Variants in ROBO2 observed in about 807,000 individuals in gnomAD.
ROBO2 encodes roundabout homolog 2.
Under a neutral mutation model 160.8 loss-of-function variants are expected in ROBO2, and 53 were observed. That is an observed-to-expected ratio of 0.33 (90% CI 0.26 to 0.41). The LOEUF (loss-of-function observed/expected upper bound fraction) is 0.41. ROBO2 is among the 10% of genes least tolerant of loss of function. The pLI, the probability that ROBO2 is intolerant of heterozygous loss-of-function variation, is 1.00. For missense variants in ROBO2, 1,577 were observed against 1,722.4 expected (o/e 0.92, Z 1.49); for synonymous variants, 664 against 611.7 (o/e 1.09, Z -1.26).
intron 2 of ROBO2, among the ~76,000 whole-genome samples, chr3:76,787,911 TA>T (rs1338814363): frequency 2.0e-5 from 3 of 151,422 alleles, no homozygotes; most frequent in Non-Finnish European, 3.0e-5. Context: ...ATATTAGTAT[TA>T]CGTATATAGA....
chr3:77,351,440 G>C (rs534511846), intron 2 of ROBO2, among the ~76,000 whole-genome samples: 1 of 152,116 alleles, frequency 6.6e-6, no homozygotes, highest in Non-Finnish European at 1.5e-5. Flanking sequence ...AACAAATTAT[G>C]ATGGCAGGTG....
Position 76,418,535 on chromosome 3 carries a change from G to A in ROBO2, c.109+480933G>A, listed in dbSNP as rs570973011. Among the ~76,000 whole-genome samples, 6 of 152,268 alleles carry A rather than the reference G, an allele frequency of 3.9e-5. 1 individual carries two copies. Among genetic ancestry groups the A allele is most frequent in the South Asian group, 2.1e-4 (1 of 4,828 alleles). On this transcript the variant is annotated intron_variant, in intron 2 of 26. Transcript: ENST00000487694. ...TTACAGGCAGGAGCCACTGCACCCG[G>A]CCCAAACAAATATTTTCTTTGCTTT... is the stretch of plus-strand genomic sequence containing the variant.
chr3:77,035,514 G>C (rs2063578982), upstream of ROBO2, among the ~76,000 whole-genome samples: 1 of 151,834 alleles, frequency 6.6e-6, no homozygotes, highest in Non-Finnish European at 1.5e-5. Context: ...ATTCTGCAGA[G>C]AAAACTCTTT....
rs566006068 is a variant in ROBO2 at position 76,301,745 on chromosome 3, A to C, written c.109+364143A>C. Among the ~76,000 whole-genome samples the C allele has an allele frequency of 9.2e-5, 14 of 152,246 alleles. 1 individual carries two copies. Among genetic ancestry groups the C allele is most frequent in the South Asian group, 2.1e-4 (1 of 4,824 alleles). Reference sequence around the variant, plus strand: ...TTTTCTCTCAAATGAACACAAACCCAGAATTTTAGCTGGTCATTGCTTCTG... The same window carrying C: ...TTTTCTCTCAAATGAACACAAACCCCGAATTTTAGCTGGTCATTGCTTCTG... On this transcript the variant is annotated intron_variant, in intron 2 of 26. Transcript: ENST00000487694.
intron 2 of ROBO2, among the ~76,000 whole-genome samples, chr3:76,222,153 C>G (rs1198814675): frequency 6.6e-6 from 1 of 152,102 alleles, no homozygotes; most frequent in Non-Finnish European, 1.5e-5. Context: ...CCACCTGTTA[C>G]TGGTGGAATG....
intron 6 of ROBO2, among the ~76,000 whole-genome samples, chr3:77,529,022 A>G (rs1471822752): frequency 6.6e-6 from 1 of 151,534 alleles, no homozygotes; most frequent in Admixed American, 6.6e-5. Context: ...AGCTGATGGT[A>G]GAATACATGA....
intron 2 of ROBO2, among the ~76,000 whole-genome samples, chr3:76,588,668 C>T (rs1366327540): frequency 5.3e-5 from 8 of 152,058 alleles, no homozygotes; most frequent in Admixed American, 1.3e-4. Context: ...GTGATAGATA[C>T]GTATCACATC....
intron 2 of ROBO2, among the ~76,000 whole-genome samples, chr3:76,276,922 G>A (rs1213931987): frequency 6.6e-6 from 1 of 151,768 alleles, no homozygotes; most frequent in Non-Finnish European, 1.5e-5. Flanking sequence ...ATCTTATCTC[G>A]GGGATGGGAC....
chr3:76,285,127 A>G (rs1004004109), intron 2 of ROBO2, among the ~76,000 whole-genome samples: 14 of 152,124 alleles, frequency 9.2e-5, no homozygotes, highest in African/African-American at 3.4e-4. Flanking sequence ...TTTCTTGTTC[A>G]CCATAATTTA....
At chr3:77,535,556 A>G (rs1368966925) in intron 6 of ROBO2, among the ~76,000 whole-genome samples, 1 of 152,168 alleles carries the variant, frequency 6.6e-6, no homozygotes, top group Non-Finnish European at 1.5e-5. Context: ...TTTACAAACA[A>G]AGAGTTAATT....
chr3:77,067,028 T>A (rs5023742), intron 1 of ROBO2, among the ~76,000 whole-genome samples: 30 of 136,906 alleles, frequency 2.2e-4, no homozygotes, highest in East Asian at 1.9e-3. Context: ...ACACACACAC[T>A]CACACACACA....
chr3:77,522,100 C>G (rs938492055), intron 5 of ROBO2, among the ~76,000 whole-genome samples: 1 of 151,102 alleles, frequency 6.6e-6, no homozygotes, highest in East Asian at 1.9e-4. Context: ...TGCAAGTACT[C>G]CCAAATTTTT....
At chr3:77,233,746 A>G (rs899872312) in intron 2 of ROBO2, among the ~76,000 whole-genome samples, 3 of 152,204 alleles carry the variant, frequency 2.0e-5, no homozygotes, top group Admixed American at 2.0e-4. Context: ...ATATCAATTT[A>G]GAAAAGAAAA....
At chr3:77,168,018 A>T (rs1345016474) in intron 2 of ROBO2, among the ~76,000 whole-genome samples, 1 of 152,214 alleles carries the variant, frequency 6.6e-6, no homozygotes, top group Non-Finnish European at 1.5e-5. Context: ...AAAATAATGA[A>T]CTTAATGCAT....
chr3:76,931,852 T>A (rs2077366481), intron 2 of ROBO2, among the ~76,000 whole-genome samples: 1 of 152,116 alleles, frequency 6.6e-6, no homozygotes, highest in Non-Finnish European at 1.5e-5. Context: ...GGCTAATTTT[T>A]GTATTTTTAG....
At chr3:77,051,457 T>C (rs2065219942) in intron 1 of ROBO2, among the ~76,000 whole-genome samples, 1 of 152,174 alleles carries the variant, frequency 6.6e-6, no homozygotes, top group South Asian at 2.1e-4. Context: ...GGCTGGGAAT[T>C]CTTATTACAC....
At chr3:75,948,422 T>A (rs981631501) in intron 2 of ROBO2, among the ~76,000 whole-genome samples, 8 of 152,100 alleles carry the variant, frequency 5.3e-5, no homozygotes, top group African/African-American at 1.9e-4. Context: ...ATAACTTAAT[T>A]TTTTTATTGC....
chr3:75,922,881 G>T (rs1041227542), intron 1 of ROBO2, among the ~76,000 whole-genome samples: 2 of 152,088 alleles, frequency 1.3e-5, no homozygotes, highest in African/African-American at 2.4e-5. Context: ...ATAGTAGATG[G>T]TAGGAAAATA....
chr3:76,309,908 C>T (rs1197683725), intron 2 of ROBO2, among the ~76,000 whole-genome samples: 1 of 152,172 alleles, frequency 6.6e-6, no homozygotes, highest in African/African-American at 2.4e-5. Flanking sequence ...ACTGCAGCCT[C>T]AACCTCCCAG....
Sources: gnomAD v4.1 joint callset for allele counts (sites outside exome capture counted in the v4.1 genomes callset) on GRCh38, gnomAD v4.1.1 for gene constraint, MANE v1.5 for transcripts, NCBI Gene and HGNC (gene_info 2026-07-23, HGNC 2026-07-21) for gene names.